The following R3HDM2 variants were observed in gnomAD, a reference collection of about 807,000 sequenced individuals.
R3HDM2 encodes the protein R3H domain-containing protein 2.
In R3HDM2, 38 loss-of-function variants were observed where a neutral mutation model predicts 124.5. The observed-to-expected ratio is 0.31, with a 90% CI of 0.24 to 0.40. The LOEUF (loss-of-function observed/expected upper bound fraction) is 0.40. Among genes scored for constraint, R3HDM2 ranks in the 10% least tolerant of loss-of-function variants. R3HDM2 has a pLI of 1.00. For missense variants in R3HDM2, 869 were observed against 1,236.9 expected (o/e 0.70, Z 4.46); for synonymous variants, 391 against 448.0 (o/e 0.87, Z 1.61).
intron 2 of R3HDM2, among the ~76,000 whole-genome samples, chr12:57,363,107 G>A (rs2062147062): frequency 6.6e-6 from 1 of 152,202 alleles, no homozygotes; most frequent in Non-Finnish European, 1.5e-5. Context: ...ACAGGCATAA[G>A]CCACTGCGCC....
chr12:57,308,054 T>G (rs1183269644), intron 3 of R3HDM2, among the ~76,000 whole-genome samples: 1 of 150,136 alleles, frequency 6.7e-6, no homozygotes, highest in Non-Finnish European at 1.5e-5. Context: ...TGAATTTTTT[T>G]TTTTTTTTTT....
chr12:57,366,414 T>A (rs138051201), intron 2 of R3HDM2, among the ~76,000 whole-genome samples: 1 of 152,236 alleles, frequency 6.6e-6, no homozygotes, highest in African/African-American at 2.4e-5. Context: ...CTGCTGTAAA[T>A]CCTGGGCACT....
At chr12:57,356,325 A>G (rs935942094) in intron 2 of R3HDM2, among the ~76,000 whole-genome samples, 17 of 152,146 alleles carry the variant, frequency 1.1e-4, no homozygotes, top group African/African-American at 4.1e-4. Flanking sequence ...GAATTTTGTC[A>G]AATGCTTTTC....
intron 14 of R3HDM2, among the ~76,000 whole-genome samples, chr12:57,279,697 A>G (rs1206401030): frequency 6.6e-6 from 1 of 152,004 alleles, no homozygotes; most frequent in Admixed American, 6.6e-5. Flanking sequence ...AAAACAGAAT[A>G]CTGAAGTTCT....
rs201010991 is a variant in R3HDM2 at position 57,289,033 on chromosome 12, T to G, written c.914A>C (p.Gln305Pro). The G allele has an allele frequency of 1.4e-5, 22 of 1,549,212 alleles. No individual in the cohort carries two copies. Among genetic ancestry groups the G allele is most frequent in the Non-Finnish European group, 1.7e-5 (19 of 1,144,676 alleles). ...CCTGATGTCATTTAGATATCCGTTC[T>G]GGCCAGTCTAGGTGAGGGGGAGAAA... ...RERIFARETG[Q>P]NGYLNDIRGN... Residue 305 changes from glutamine to proline, a missense_variant, in exon 12 of 24, where the codon CAG becomes CCG. Coordinates refer to ENST00000402412, the MANE Select transcript of R3HDM2 (RefSeq NM_001394031.1).
intron 2 of R3HDM2, among the ~76,000 whole-genome samples, chr12:57,314,684 A>G (rs953526359): frequency 6.6e-6 from 1 of 152,170 alleles, no homozygotes; most frequent in Non-Finnish European, 1.5e-5. Flanking sequence ...GCTCCCTATT[A>G]TAAATTATGA....
intron 2 of R3HDM2, among the ~76,000 whole-genome samples, chr12:57,376,973 T>A (rs536901253): frequency 4.3e-4 from 65 of 151,304 alleles, no homozygotes; most frequent in Admixed American, 3.0e-3. Flanking sequence ...TAAAAAAAAA[T>A]TTTAAAAAAG....
chr12:57,295,471 C>A lies in R3HDM2; in HGVS notation c.738G>T (p.Glu246Asp). 1 of 1,551,724 alleles carries A rather than the reference C, an allele frequency of 6.4e-7. No homozygotes were observed. The stretch of plus-strand genomic sequence containing the variant: ...ACCTCTGTTGAAATTCTGTATTCTT[C>A]TCATCCTTTATATGTTCTGAGAACC... ...EQRFSEHIKD[E>D]KNTEFQQRFI... Residue 246 changes from glutamate to aspartate, a missense_variant, in exon 10 of 24, where the codon GAG becomes GAT. This residue lies in a region of R3HDM2 where 267 missense variants were observed against 447.7 expected (regional missense o/e 0.60). Transcript: ENST00000402412.
At chr12:57,427,935 T>C (rs181945471) in intron 1 of R3HDM2, among the ~76,000 whole-genome samples, 51 of 151,524 alleles carry the variant, frequency 3.4e-4, no homozygotes, top group African/African-American at 1.1e-3. Flanking sequence ...GGCCAACATA[T>C]AGTGAAACCC....
chr12:57,320,073 A>T (rs2056072495), intron 2 of R3HDM2, among the ~76,000 whole-genome samples: 1 of 151,918 alleles, frequency 6.6e-6, no homozygotes, highest in Non-Finnish European at 1.5e-5. Context: ...AGCCTGGCCA[A>T]CACGGTGAAA....
chr12:57,271,211 C>T (rs2043518538), intron 14 of R3HDM2, among the ~76,000 whole-genome samples: 1 of 152,170 alleles, frequency 6.6e-6, no homozygotes, highest in African/African-American at 2.4e-5. Flanking sequence ...TGACACTAGC[C>T]TAGAATTCTC....
chr12:57,285,499 T>C (rs1053739985), intron 12 of R3HDM2, among the ~76,000 whole-genome samples: 4 of 151,726 alleles, frequency 2.6e-5, no homozygotes, highest in Admixed American at 1.3e-4. Flanking sequence ...TTCTATGTAG[T>C]TAGTGAATTA....
At chr12:57,316,195 G>A (rs902552129) in intron 2 of R3HDM2, among the ~76,000 whole-genome samples, 1 of 152,160 alleles carries the variant, frequency 6.6e-6, no homozygotes, top group African/African-American at 2.4e-5. Context: ...AGCAGCAGAG[G>A]AAAGGGCACC....
chr12:57,346,349 T>C (rs1485686080), intron 2 of R3HDM2, among the ~76,000 whole-genome samples: 11 of 150,492 alleles, frequency 7.3e-5, no homozygotes, highest in African/African-American at 2.7e-4. Context: ...TCCCAGCTAC[T>C]TGGGAGGCTG....
intron 2 of R3HDM2, chr12:57,341,267 G>T: frequency 3.1e-6 from 1 of 320,476 alleles, no homozygotes; most frequent in Non-Finnish European, 4.5e-6. Flanking sequence ...ACTTCGGTCT[G>T]ACCCTATTTT....
intron 2 of R3HDM2, among the ~76,000 whole-genome samples, chr12:57,351,894 G>T (rs1376231900): frequency 6.6e-6 from 1 of 152,054 alleles, no homozygotes; most frequent in Admixed American, 6.6e-5. Context: ...TTATTGAATG[G>T]GAAGGCTTAG....
chr12:57,269,575 T>A, intron 15 of R3HDM2, 126 bp from the exon 16 acceptor site: 1 of 1,463,360 alleles, frequency 6.8e-7, no homozygotes, highest in Non-Finnish European at 9.2e-7. Flanking sequence ...GGACCTGCAA[T>A]TGCAGTAAAA....
intron 1 of R3HDM2, among the ~76,000 whole-genome samples, chr12:57,427,715 G>T (rs1868293443): frequency 6.6e-6 from 1 of 151,968 alleles, no homozygotes. Flanking sequence ...GGTTAAGGCA[G>T]AAAATAAAGC....
intron 1 of R3HDM2, among the ~76,000 whole-genome samples, chr12:57,413,571 A>C (rs2139353231): frequency 6.6e-6 from 1 of 151,926 alleles, no homozygotes; most frequent in African/African-American, 2.4e-5. Context: ...CCCCTTCTGT[A>C]CTAAAAATAC....
Sources: allele counts gnomAD v4.1 joint callset (sites outside exome capture counted in the v4.1 genomes callset), GRCh38; gene constraint gnomAD v4.1.1; regional missense constraint gnomAD v4.1.1; transcripts MANE v1.5; gene names NCBI Gene and HGNC (gene_info 2026-07-23, HGNC 2026-07-21).